Variants in GYS1 observed in about 807,000 individuals in gnomAD.
The protein encoded by GYS1 is glycogen [starch] synthase, muscle.
In GYS1, 60 loss-of-function variants were observed where a neutral mutation model predicts 89.1. The ratio of observed to expected loss-of-function variants is 0.67; its 90% CI spans 0.55 to 0.84. The LOEUF is 0.84. Ranked by LOEUF, GYS1 falls within the 40% of genes least tolerant of loss-of-function variation. The pLI is 0.00. For synonymous variants in GYS1, 366 were observed against 401.7 expected (o/e 0.91, Z 1.06); for missense variants, 888 against 1,003.1 (o/e 0.89, Z 1.55).
chr19:48,985,674 G>A, intron 4 of GYS1, 69 bp from the exon 5 acceptor site: 2 of 1,580,722 alleles, frequency 1.3e-6, no homozygotes, highest in East Asian at 2.2e-5. Flanking sequence ...CAGACACTGG[G>A]GTCCCAAGAG....
rs766144879 is a variant in GYS1 at position 48,982,392 on chromosome 19, G to A, written c.942-17C>T. The stretch of plus-strand genomic sequence containing the variant: ...TCCAGATGCCTAAAGAACCCACAAG[G>A]CACGGTAAAGCCCAAAGCCCTCACC... On this transcript the variant is annotated splice_polypyrimidine_tract_variant and intron_variant, in intron 6 of 15. Transcript: ENST00000323798. 6.2e-7 allele frequency: 1 copy of A among 1,613,516 alleles called. No homozygotes were observed. The highest frequency in any genetic ancestry group is 1.1e-5 in the South Asian group (1 of 90,978).
At chr19:48,975,647 ACCAGGCGTGGT>A (rs2038634048) in intron 10 of GYS1, among the ~76,000 whole-genome samples, 1 of 151,622 alleles carries the variant, frequency 6.6e-6, no homozygotes, top group Non-Finnish European at 1.5e-5. Context: ...ACTTCCAACC[ACCAGGCGTGGT>A]GGCTCACGCC....
In GYS1 at chr19:48,991,955, A is replaced by G. The variant is rs969293837; in HGVS notation, c.119-472T>C. 1.4e-4 allele frequency among the ~76,000 whole-genome samples: 21 copies of G among 151,934 alleles called. No individual in the cohort carries two copies. Among genetic ancestry groups the G allele is most frequent in the African/African-American group, 5.1e-4 (21 of 41,342 alleles). ...CTCATGGCCAATCCAGCTTCTCACC[A>G]TTGCCCAAGAGAAGCCTGCATGGTC... On this transcript the variant is annotated intron_variant, in intron 1 of 15. Transcript: ENST00000323798. The surrounding 1 kb of genome is among the most constrained non-coding windows in gnomAD (Gnocchi z 4.7).
Position 48,969,729 on chromosome 19 carries a change from C to A in GYS1, c.1890+46G>T, listed in dbSNP as rs114933624. On this transcript the variant is annotated intron_variant, in intron 15 of 15. Transcript: ENST00000323798. ...GGAGGGACCCCCACCCCACCGAAGC[C>A]CAGCCCTTTAGCTCCTGGCTAAGCA... The A allele has an allele frequency of 4.1e-4, 660 of 1,597,806 alleles. 2 individuals carry two copies. The African/African-American group carries it at 7.1e-3, about 17-fold the overall frequency.
At chr19:48,972,542 G>A (rs760266213) in intron 12 of GYS1, among the ~76,000 whole-genome samples, 16 of 151,926 alleles carry the variant, frequency 1.1e-4, no homozygotes, top group African/African-American at 2.9e-4. Flanking sequence ...GCAGTGGCGC[G>A]ATCTCAGCTC....
At position 48,970,673 on chromosome 19, in the gene GYS1, T is replaced by C. The variant is rs375027132; in HGVS notation, c.1682A>G (p.Asp561Gly). The stretch of plus-strand genomic sequence containing the variant: ...GGAGGTGAGCTGCGAGCAGGAATCA[T>C]CCAGGCTGCGGAACCGCCGGTCAAG... ...YILDRRFRSL[D>G]DSCSQLTSFL... The change falls in exon 14 of 16, where the codon GAT becomes GGT. Residue 561 changes from aspartate to glycine, a missense_variant. Physicochemically the swap from Asp to Gly is moderately conservative, Grantham distance 94. Transcript: ENST00000323798. The C allele has an allele frequency of 3.9e-5, 63 of 1,613,836 alleles. No individual in the cohort carries two copies. The highest frequency in any genetic ancestry group is 4.8e-5 in the Non-Finnish European group (57 of 1,180,004).
At position 48,993,152 on chromosome 19, in the gene GYS1, G is replaced by A; in HGVS notation, c.-40C>T. 1 of 1,161,094 alleles carries A rather than the reference G, an allele frequency of 8.6e-7. No individual in the cohort carries two copies. The highest frequency in any genetic ancestry group is 1.2e-5 in the South Asian group (1 of 82,008). The allele number at this position is 1,161,094 out of a possible 1,614,324, so 71.9% of individuals were successfully genotyped here. On this transcript the variant is annotated 5_prime_UTR_variant, in exon 1 of 16. Transcript: ENST00000323798. ...GGGGGGCTCCGGGGATCTCCAGGTA[G>A]GGACCCCGGAGGTGTCTAGGGAATG...
At chr19:48,979,837 G>C (rs2038729396) in intron 8 of GYS1, among the ~76,000 whole-genome samples, 1 of 150,556 alleles carries the variant, frequency 6.6e-6, no homozygotes, top group Non-Finnish European at 1.5e-5. Flanking sequence ...AGGAAAGACG[G>C]GGTTTCACCA....
rs754727471 is a variant in GYS1 at position 48,991,554 on chromosome 19, C to T, written c.119-71G>A. On this transcript the variant is annotated intron_variant, in intron 1 of 15. Coordinates refer to ENST00000323798, the MANE Select transcript of GYS1 (RefSeq NM_002103.5). This position sits in a 1 kb window ranked among gnomAD's most constrained non-coding sequence, Gnocchi z 4.7. ...GTTCTGGGGCCTGGGGTGGGGTGGGCCGGGGATGTAGGGGGCACTCAGGCC... is the reference window on the plus strand; with the variant it reads ...GTTCTGGGGCCTGGGGTGGGGTGGGTCGGGGATGTAGGGGGCACTCAGGCC... 6.8e-7 allele frequency: 1 copy of T among 1,462,630 alleles called. No homozygotes were observed. Among genetic ancestry groups the T allele is most frequent in the Non-Finnish European group, 9.5e-7 (1 of 1,050,344 alleles). 90.6% of individuals were successfully genotyped at this position (1,462,630 alleles called of 1,614,324 possible).
chr19:48,981,284 G>A, intron 8 of GYS1: 2 of 485,386 alleles, frequency 4.1e-6, no homozygotes, highest in Admixed American at 3.2e-5. Context: ...ATGGTGGTGT[G>A]CACCTGTAGT....
intron 5 of GYS1, among the ~76,000 whole-genome samples, chr19:48,985,193 A>T (rs2038822461): frequency 6.6e-6 from 1 of 152,082 alleles, no homozygotes; most frequent in Non-Finnish European, 1.5e-5. Context: ...CTAGGGATAC[A>T]GGCACACACC....
At chr19:48,990,774 T>A (rs1026732584) in intron 2 of GYS1, among the ~76,000 whole-genome samples, 1 of 152,180 alleles carries the variant, frequency 6.6e-6, no homozygotes, top group Non-Finnish European at 1.5e-5. Context: ...TCAGGCCCAC[T>A]TCTCCCCAGC....
intron 1 of GYS1, among the ~76,000 whole-genome samples, chr19:48,992,008 C>A (rs1365588719): frequency 1.3e-5 from 2 of 152,076 alleles, no homozygotes; most frequent in African/African-American, 2.4e-5. Context: ...ACCTTGCTGA[C>A]CTGCCTCCCA....
intron 12 of GYS1, among the ~76,000 whole-genome samples, chr19:48,972,696 C>A (rs933815992): frequency 9.9e-5 from 15 of 152,094 alleles, no homozygotes; most frequent in Admixed American, 7.9e-4. Context: ...CCAGGCTGGT[C>A]TCAAACTCAT....
chr19:48,969,786 C>T lies in GYS1; in HGVS notation c.1879G>A (p.Glu627Lys), dbSNP rs962330001. The change falls in exon 15 of 16, where the codon GAG becomes AAG. Residue 627 changes from glutamate (E) to lysine (K), a missense_variant. Physicochemically the swap from Glu to Lys is moderately conservative, Grantham distance 56. Coordinates refer to ENST00000323798, the MANE Select transcript of GYS1 (RefSeq NM_002103.5). ...CAGGGTCCACTCACCGCATCCGCCT[C>T]GTTGGGCTCGTAGGTGAAGTGCTCT... The part of the protein sequence containing the change: ...FPEHFTYEPN[E>K]ADAAQGYRYP... 23 of 1,613,838 alleles carry T rather than the reference C, an allele frequency of 1.4e-5. No individual in the cohort carries two copies. The African/African-American group carries it at 1.5e-4, about 10-fold the overall frequency.
chr19:48,979,935 C>G (rs534029360), intron 8 of GYS1, among the ~76,000 whole-genome samples: 1 of 152,170 alleles, frequency 6.6e-6, no homozygotes, highest in East Asian at 1.9e-4. Context: ...GTGTGAGCCA[C>G]CACGCCCGAC....
At chr19:48,990,868 CA>C (rs1481162204) in intron 2 of GYS1, among the ~76,000 whole-genome samples, 1 of 152,218 alleles carries the variant, frequency 6.6e-6, no homozygotes, top group Admixed American at 6.5e-5. Context: ...AATCGCAGCT[CA>C]CTGCAACCTC....
Position 48,991,138 on chromosome 19 carries a change from C to T in GYS1, c.300+164G>A, listed in dbSNP as rs918496454. On this transcript the variant is annotated intron_variant, in intron 2 of 15. Coordinates refer to ENST00000323798, the MANE Select transcript of GYS1 (RefSeq NM_002103.5). This position sits in a 1 kb window ranked among gnomAD's most constrained non-coding sequence, Gnocchi z 4.7. ...TGTCTGGGATCCACCCACCCACTTC[C>T]AGGCCCTGCATCTGTCTGGGTGTCC... 2.0e-5 allele frequency among the ~76,000 whole-genome samples: 3 copies of T among 152,212 alleles called. No homozygotes were observed. Among genetic ancestry groups the T allele is most frequent in the African/African-American group, 7.2e-5 (3 of 41,460 alleles).
chr19:48,978,103 T>C lies in GYS1; in HGVS notation c.1224A>G (p.Leu408=). The C allele has an allele frequency of 6.2e-7, 1 of 1,613,748 alleles. No homozygotes were observed. Residue 408 remains leucine, a synonymous_variant, in exon 9 of 16, where the codon TTA becomes TTG. Transcript: ENST00000323798. Reference sequence around the variant, plus strand: ...GCTGAGGGTGGGGCACTCACACCAGTAAGGATTCATAAAGCTTCCTCCCGA... The same window carrying C: ...GCTGAGGGTGGGGCACTCACACCAGCAAGGATTCATAAAGCTTCCTCCCGA... ...EKFGRKLYES[L]LVGSLPDMNK...
Sources: gnomAD v4.1 joint callset for allele counts (sites outside exome capture counted in the v4.1 genomes callset) on GRCh38, gnomAD v4.1.1 for gene constraint, Gnocchi (gnomAD v3.1) non-coding constraint, MANE v1.5 for transcripts, NCBI Gene and HGNC (gene_info 2026-07-23, HGNC 2026-07-21) for gene names.